Variants in RAB37 observed in about 807,000 individuals in gnomAD.
The protein encoded by RAB37 is RAB37, member RAS oncogene family.
A neutral mutation model predicts 33.1 loss-of-function variants in RAB37; 29 were observed. The ratio of observed to expected loss-of-function variants is 0.88; its 90% CI spans 0.65 to 1.20. The LOEUF (loss-of-function observed/expected upper bound fraction) is 1.20, where lower values mean the gene tolerates loss of function less well. Among genes scored for constraint, RAB37 ranks in the 50% most tolerant of loss-of-function variants. The probability of loss-of-function intolerance (pLI) is 0.00; values close to 1 mark genes in which losing one functional copy is unlikely to be tolerated. For synonymous variants in RAB37, 128 were observed against 119.5 expected, an observed-to-expected ratio of 1.07 and a Z score of -0.47; for missense variants, 299 against 301.1, an observed-to-expected ratio of 0.99 and a Z score of 0.05.
intron 1 of RAB37, among the ~76,000 whole-genome samples, chr17:74,739,771 T>C (rs1389190141): frequency 6.6e-6 from 1 of 151,870 alleles, no homozygotes; most frequent in African/African-American, 2.4e-5. Context: ...CCTCAGGTGA[T>C]CCGTCCACCT....
At position 74,730,347 on chromosome 17, in the gene RAB37, G is replaced by A. The variant is rs1385141207; in HGVS notation, c.183+981G>A. On this transcript the variant is annotated intron_variant, in intron 2 of 7. Coordinates refer to the RAB37 transcript ENST00000340415. The surrounding 1 kb of genome is among the most constrained non-coding windows in gnomAD (Gnocchi z 4.4). ...CGCAGCAGTGCCACACTGATGGGAA[G>A]AGAGAGAGGAAAACTCAGAAAAATG... Among the ~76,000 whole-genome samples, 1 of 152,214 alleles carries A rather than the reference G, an allele frequency of 6.6e-6. No homozygotes were observed. The highest frequency in any genetic ancestry group is 1.5e-5 in the Non-Finnish European group (1 of 68,038).
chr17:74,712,702 G>A, intron 1 of RAB37: 1 of 977,370 alleles, frequency 1.0e-6, no homozygotes, highest in South Asian at 1.4e-5. Context: ...TGGGTATGTG[G>A]ATGAAACGCA....
intron 1 of RAB37, among the ~76,000 whole-genome samples, chr17:74,681,498 C>T (rs1270108661): frequency 6.6e-6 from 1 of 152,210 alleles, no homozygotes; most frequent in African/African-American, 2.4e-5. Flanking sequence ...AGCTGGATCC[C>T]TTCCATGACC....
At chr17:74,710,675 A>T (rs1405940959) in intron 1 of RAB37, among the ~76,000 whole-genome samples, 1 of 151,256 alleles carries the variant, frequency 6.6e-6, no homozygotes, top group East Asian at 2.0e-4. Flanking sequence ...CCTAACCAAC[A>T]TGGTAAAACC....
chr17:74,722,188 C>A (rs1337179713), intron 1 of RAB37, among the ~76,000 whole-genome samples: 1 of 150,484 alleles, frequency 6.6e-6, no homozygotes, highest in Admixed American at 6.7e-5. Flanking sequence ...GAGGCTGAGG[C>A]AGGAGAATGG....
chr17:74,704,493 C>G, intron 1 of RAB37: 1 of 1,612,964 alleles, frequency 6.2e-7, no homozygotes, highest in Non-Finnish European at 8.5e-7. Context: ...TCAATGGTCA[C>G]TTGAACTGTG....
Position 74,671,352 on chromosome 17 carries a change from G to A in RAB37, c.-235G>A. On this transcript the variant is annotated 5_prime_UTR_variant, in exon 1 of 8. Coordinates refer to the RAB37 transcript ENST00000340415. This position sits in a 1 kb window ranked among gnomAD's most constrained non-coding sequence, Gnocchi z 5.0. ...AGAACTCTGGTCCCGGGCGCACAAC[G>A]GCGGAGTCGCTGTTCCTGGTGCTGA... 1.8e-6 allele frequency: 1 copy of A among 540,736 alleles called. No individual in the cohort carries two copies. Among genetic ancestry groups the A allele is most frequent in the South Asian group, 2.6e-5 (1 of 38,762 alleles). 33.5% of individuals were successfully genotyped at this position (540,736 alleles called of 1,614,324 possible).
Position 74,729,567 on chromosome 17 carries a change from C to A in RAB37, c.183+201C>A, listed in dbSNP as rs573305149. On this transcript the variant is annotated intron_variant, in intron 2 of 7. Coordinates refer to the RAB37 transcript ENST00000340415. This position sits in a 1 kb window ranked among gnomAD's most constrained non-coding sequence, Gnocchi z 4.2. Reference sequence around the variant, plus strand: ...CTGCCCCTGGGTAGTCCAGGAACTCCGCCCACCTCTAGCCTCAAGCAGGAA... The same window carrying A: ...CTGCCCCTGGGTAGTCCAGGAACTCAGCCCACCTCTAGCCTCAAGCAGGAA... Among the ~76,000 whole-genome samples the A allele has an allele frequency of 6.6e-6, 1 of 151,958 alleles. No homozygotes were observed. Among genetic ancestry groups the A allele is most frequent in the Non-Finnish European group, 1.5e-5 (1 of 67,986 alleles).
intron 1 of RAB37, among the ~76,000 whole-genome samples, chr17:74,714,014 G>A (rs1407405386): frequency 2.0e-5 from 3 of 150,586 alleles, no homozygotes; most frequent in Non-Finnish European, 3.0e-5. Flanking sequence ...GTTAGAGACC[G>A]GCCTGGCCAA....
At chr17:74,739,300 C>T (rs2034551160) in intron 1 of RAB37, among the ~76,000 whole-genome samples, 1 of 152,158 alleles carries the variant, frequency 6.6e-6, no homozygotes, top group African/African-American at 2.4e-5. Flanking sequence ...ACCATTCCTG[C>T]GTGTCCCTGG....
intron 1 of RAB37, among the ~76,000 whole-genome samples, chr17:74,706,892 A>G (rs1177812638): frequency 6.6e-6 from 1 of 152,216 alleles, no homozygotes; most frequent in African/African-American, 2.4e-5. Context: ...TGGGGAAAGG[A>G]CAGTCTCTTC....
At position 74,745,285 on chromosome 17, in the gene RAB37, G is replaced by A; in HGVS notation, c.567-21G>A. On this transcript the variant is annotated intron_variant, in intron 8 of 8. Transcript: ENST00000392613. This position sits in a 1 kb window ranked among gnomAD's most constrained non-coding sequence, Gnocchi z 4.5. Reference sequence around the variant, plus strand: ...CCCCAGCCCAGCCCAGCCCAGCCCAGCCCATTGTCTCTTCTTCAAGGGAAC... The same window carrying A: ...CCCCAGCCCAGCCCAGCCCAGCCCAACCCATTGTCTCTTCTTCAAGGGAAC... The A allele has an allele frequency of 6.3e-7, 1 of 1,592,772 alleles. No individual in the cohort carries two copies. Among genetic ancestry groups the A allele is most frequent in the Non-Finnish European group, 8.6e-7 (1 of 1,161,236 alleles).
chr17:74,714,075 G>T (rs2034116143), intron 1 of RAB37, among the ~76,000 whole-genome samples: 2 of 151,988 alleles, frequency 1.3e-5, no homozygotes, highest in Non-Finnish European at 2.9e-5. Flanking sequence ...GCTGGGCGTG[G>T]TAGCATTCAC....
chr17:74,701,896 A>G (rs1332582782), intron 1 of RAB37, among the ~76,000 whole-genome samples: 2 of 151,152 alleles, frequency 1.3e-5, no homozygotes, highest in African/African-American at 4.9e-5. Flanking sequence ...GTGGGCGACT[A>G]TAGTTCCCCC....
At chr17:74,693,209 G>A (rs1300068850) in intron 1 of RAB37, among the ~76,000 whole-genome samples, 2 of 152,234 alleles carry the variant, frequency 1.3e-5, no homozygotes, top group South Asian at 2.1e-4. Context: ...ACCAGTCTGC[G>A]GGAAGAGCAT....
chr17:74,691,741 T>C (rs71375241), intron 1 of RAB37, among the ~76,000 whole-genome samples: 4 of 152,190 alleles, frequency 2.6e-5, no homozygotes, highest in Non-Finnish European at 5.9e-5. Flanking sequence ...CTATCCAACA[T>C]AAGCATATAC....
rs78678938 is a variant in RAB37 at position 74,702,634 on chromosome 17, C to T, written c.73-26622C>T. ...GAAGTTGAACCAAGAGTCATCCCTG[C>T]GGCTCCATGACCCCACGCCCACACT... On this transcript the variant is annotated intron_variant, in intron 1 of 7. Coordinates refer to the RAB37 transcript ENST00000340415. 2.8e-3 allele frequency among the ~76,000 whole-genome samples: 423 copies of T among 152,248 alleles called. 17 individuals are homozygous for T. In the East Asian group the frequency reaches 0.071, roughly 25 times the overall value.
rs145188051 is a variant in RAB37 at position 74,676,616 on chromosome 17, T to C, written c.72+4958T>C. On this transcript the variant is annotated intron_variant, in intron 1 of 7. Coordinates refer to the RAB37 transcript ENST00000340415. This position sits in a 1 kb window ranked among gnomAD's most constrained non-coding sequence, Gnocchi z 4.1. ...GCCTCATCGATTCATTCAGCAAACA[T>C]GCATTGGACATTTCCAAAGCGTAAA... is the stretch of plus-strand genomic sequence containing the variant. 6.6e-6 allele frequency among the ~76,000 whole-genome samples: 1 copy of C among 152,332 alleles called. No homozygotes were observed. The highest frequency in any genetic ancestry group is 1.5e-5 in the Non-Finnish European group (1 of 68,030).
chr17:74,682,021 A>G (rs1165684574), intron 1 of RAB37, among the ~76,000 whole-genome samples: 1 of 152,222 alleles, frequency 6.6e-6, no homozygotes, highest in Non-Finnish European at 1.5e-5. Flanking sequence ...CTCTGCTGTT[A>G]GCCAGCTGTA....
Sources: gnomAD v4.1 joint callset for allele counts (sites outside exome capture counted in the v4.1 genomes callset) on GRCh38, gnomAD v4.1.1 for gene constraint, Gnocchi (gnomAD v3.1) non-coding constraint, MANE v1.5 for transcripts, NCBI Gene and HGNC (gene_info 2026-07-23, HGNC 2026-07-21) for gene names.